Variants in SPATA31F1 observed in about 807,000 individuals in gnomAD.
The protein encoded by SPATA31F1 is SPATA31 subfamily F member 1.
At chr9:34,729,145 C>G in the SPATA31F1 span, 1 of 1,069,644 alleles carries the variant, frequency 9.3e-7, no homozygotes, top group Non-Finnish European at 1.3e-6. Flanking sequence ...ATTATAGTCT[C>G]TGAGAAGAAA....
At chr9:34,725,186 C>A in the SPATA31F1 span, 2 of 1,527,758 alleles carry the variant, frequency 1.3e-6, no homozygotes, top group Admixed American at 2.0e-5. Context: ...GTGGATTTGT[C>A]CACATTTGGA....
the SPATA31F1 span, chr9:34,723,955 C>A: frequency 6.4e-7 from 1 of 1,551,210 alleles, no homozygotes; most frequent in South Asian, 1.2e-5. Context: ...ATCGCCAGGA[C>A]CCTCGGGGTG....
chr9:34,723,372 C>G, the SPATA31F1 span: 103 of 1,551,578 alleles, frequency 6.6e-5, no homozygotes, highest in Admixed American at 5.9e-5. Context: ...TGGGGACCAT[C>G]CAAGAAGGCT....
chr9:34,725,057 C>T, the SPATA31F1 span: 24 of 1,551,946 alleles, frequency 1.5e-5, no homozygotes, highest in African/African-American at 3.1e-4. Flanking sequence ...GTCCGGGTCA[C>T]TTGCTGTCTG....
the SPATA31F1 span, chr9:34,724,385 G>A: frequency 1.8e-5 from 28 of 1,550,650 alleles, no homozygotes; most frequent in Non-Finnish European, 1.2e-5. Context: ...ATTAGGGGCA[G>A]GAAGAGTGTC....
the SPATA31F1 span, chr9:34,726,536 T>C: frequency 1.3e-6 from 2 of 1,551,848 alleles, no homozygotes; most frequent in South Asian, 1.2e-5. Flanking sequence ...CGTCATCTCC[T>C]CCTGGTTCAG....
At chr9:34,723,361 T>A in the SPATA31F1 span, 15 of 1,551,492 alleles carry the variant, frequency 9.7e-6, no homozygotes, top group Non-Finnish European at 1.3e-5. Flanking sequence ...CGTCTAGGGA[T>A]TGGGGACCAT....
At chr9:34,729,106 A>C in the SPATA31F1 span, among the ~76,000 whole-genome samples, 5 of 152,174 alleles carry the variant, frequency 3.3e-5, no homozygotes, top group African/African-American at 1.2e-4. Flanking sequence ...TTTCAATCAG[A>C]CTATGTTGCG....
At chr9:34,729,079 T>C in the SPATA31F1 span, among the ~76,000 whole-genome samples, 1 of 152,082 alleles carries the variant, frequency 6.6e-6, no homozygotes, top group African/African-American at 2.4e-5. Flanking sequence ...CCAAACCAAA[T>C]AGAGAGGTTC....
the SPATA31F1 span, chr9:34,724,437 G>A: frequency 6.4e-7 from 1 of 1,551,326 alleles, no homozygotes. Flanking sequence ...TCCCCTTGGT[G>A]GTTTAGACTT....
At chr9:34,729,358 C>T in the SPATA31F1 span, 167 of 1,551,776 alleles carry the variant, frequency 1.1e-4, no homozygotes, top group Middle Eastern at 6.7e-4. Flanking sequence ...ATTACAATAA[C>T]GATGAAGATG....
At chr9:34,723,438 T>C in the SPATA31F1 span, 3 of 1,551,636 alleles carry the variant, frequency 1.9e-6, no homozygotes, top group African/African-American at 4.1e-5. Context: ...CCTGTCGGCT[T>C]CTCCGTCTTA....
the SPATA31F1 span, chr9:34,726,848 C>T: frequency 1.9e-6 from 3 of 1,551,630 alleles, no homozygotes; most frequent in Non-Finnish European, 2.6e-6. Context: ...CTGCAATGGC[C>T]CCGATAAAGT....
chr9:34,724,692 T>C, the SPATA31F1 span: 1 of 1,547,298 alleles, frequency 6.5e-7, no homozygotes, highest in South Asian at 1.2e-5. Context: ...GCAACGTCTG[T>C]ACAACTCTCA....
chr9:34,725,770 G>A, the SPATA31F1 span: 3 of 1,549,226 alleles, frequency 1.9e-6, no homozygotes, highest in East Asian at 2.4e-5. Flanking sequence ...GTGGGGAAGA[G>A]GGTGGGGCTG....
At chr9:34,724,270 G>A in the SPATA31F1 span, 1 of 1,551,524 alleles carries the variant, frequency 6.4e-7, no homozygotes, top group South Asian at 1.2e-5. Flanking sequence ...TGGAGACCGA[G>A]TGGGCAGAAC....
the SPATA31F1 span, chr9:34,725,109 C>T: frequency 6.4e-6 from 10 of 1,550,888 alleles, no homozygotes; most frequent in African/African-American, 1.4e-4. Flanking sequence ...GGAAAAGGAG[C>T]CACTGCCAGG....
the SPATA31F1 span, chr9:34,727,882 T>G: frequency 1.3e-6 from 1 of 741,816 alleles, no homozygotes. Flanking sequence ...CTGGCAACCC[T>G]CTCACCCAGT....
Sources: allele counts gnomAD v4.1 joint callset (sites outside exome capture counted in the v4.1 genomes callset), GRCh38; gene constraint gnomAD v4.1.1; transcripts MANE v1.5; gene names NCBI Gene and HGNC (gene_info 2026-07-23, HGNC 2026-07-21).